The following SIMC1 variants were observed in gnomAD, a reference collection of about 807,000 sequenced individuals.
SIMC1 encodes SUMO-interacting motif-containing protein 1.
SIMC1 carries 55 observed loss-of-function variants against 82.3 expected under a neutral mutation model. The ratio of observed to expected loss-of-function variants is 0.67; its 90% CI spans 0.54 to 0.84. The LOEUF (loss-of-function observed/expected upper bound fraction) is 0.84, where lower values mean the gene tolerates loss of function less well. Among genes scored for constraint, SIMC1 ranks in the 40% least tolerant of loss-of-function variants. SIMC1 has a pLI of 0.00. For synonymous variants in SIMC1, 353 were observed against 426.3 expected (o/e 0.83, Z 2.12); for missense variants, 915 against 1,107.2 (o/e 0.83, Z 2.46).
At chr5:176,309,738 C>G (rs1018778474) in intron 4 of SIMC1, among the ~76,000 whole-genome samples, 1 of 152,100 alleles carries the variant, frequency 6.6e-6, no homozygotes, top group Non-Finnish European at 1.5e-5. Context: ...GGGTTCCAGA[C>G]CAGCCTGGCA....
Position 176,345,256 on chromosome 5 carries a change from A to G in SIMC1, c.2487A>G (p.Gly829=). ...GGATTAAGCCCAAACCCCAGCAAGG[A>G]GATGACATCACAGTGGTAGACGTAG... ...IKRIKPKPQQ[G]DDITVVDVEK... The change falls in exon 10 of 10, where the codon GGA becomes GGG. Residue 829 remains glycine (G), a synonymous_variant. Coordinates refer to ENST00000429602, the MANE Select transcript of SIMC1 (RefSeq NM_001308195.2). 3 of 1,614,050 alleles carry G rather than the reference A, an allele frequency of 1.9e-6. No homozygotes were observed. The highest frequency in any genetic ancestry group is 2.5e-6 in the Non-Finnish European group (3 of 1,179,886).
intron 8 of SIMC1, 41 bp from the exon 9 acceptor site, chr5:176,337,021 G>A (rs1765931016): frequency 8.7e-6 from 14 of 1,607,334 alleles, no homozygotes; most frequent in Non-Finnish European, 1.2e-5. Flanking sequence ...ATTTTAACTG[G>A]GGAAGGCATT....
intron 1 of SIMC1, among the ~76,000 whole-genome samples, chr5:176,252,037 C>T (rs1041976556): frequency 4.6e-5 from 7 of 152,256 alleles, no homozygotes; most frequent in Admixed American, 6.5e-5. Context: ...CACCTTTCCC[C>T]GCTTTCTATT....
chr5:176,289,636 C>T lies in SIMC1; in HGVS notation c.130-18C>T, dbSNP rs762541800. On this transcript the variant is annotated intron_variant, in intron 1 of 9. Transcript: ENST00000429602. ...TACTCCCATCTTGACCTCTTTTCTT[C>T]ACACAATCCTTCAACAGGACTTCAT... 2.6e-6 allele frequency: 4 copies of T among 1,552,642 alleles called. No homozygotes were observed. The South Asian group carries it at 5.0e-5, about 19-fold the overall frequency.
At chr5:176,309,811 C>T (rs1446813239) in intron 4 of SIMC1, among the ~76,000 whole-genome samples, 1 of 152,078 alleles carries the variant, frequency 6.6e-6, no homozygotes, top group Non-Finnish European at 1.5e-5. Context: ...CACCATGACA[C>T]ACACCAGTAG....
At chr5:176,246,407 G>GGTGTGTGTGT (rs57262987) in intron 1 of SIMC1, among the ~76,000 whole-genome samples, 84 of 137,058 alleles carry the variant, frequency 6.1e-4, no homozygotes, top group Middle Eastern at 7.6e-3. Flanking sequence ...ATAGTTCAGG[G>GGTGTGTGTGT]GTGTGTGTGT....
At position 176,333,951 on chromosome 5, in the gene SIMC1, G is replaced by T. The variant is rs1331952654; in HGVS notation, c.2172-2769G>T. Among the ~76,000 whole-genome samples the T allele has an allele frequency of 2.8e-4, 39 of 136,880 alleles. 1 individual carries two copies. In the South Asian group the frequency reaches 7.0e-3, roughly 25 times the overall value. 89.8% of individuals were successfully genotyped at this position (136,880 alleles called of 152,430 possible). A position where few individuals can be genotyped will look rare whatever the true frequency, so the allele number is the denominator to read the frequency against. ...CAATCTGCTGTTAAGTCTATTATTG[G>T]TTTTTTTTTTTTGGAACTAGAGTTA... is the stretch of plus-strand genomic sequence containing the variant. On this transcript the variant is annotated intron_variant, in intron 7 of 9. Coordinates refer to ENST00000429602, the MANE Select transcript of SIMC1 (RefSeq NM_001308195.2).
chr5:176,310,718 A>G (rs990318784), intron 4 of SIMC1, among the ~76,000 whole-genome samples: 4 of 152,168 alleles, frequency 2.6e-5, no homozygotes, highest in Non-Finnish European at 5.9e-5. Flanking sequence ...GAACAGTTCT[A>G]TATGATTATG....
chr5:176,281,310 G>A (rs1348964008), intron 1 of SIMC1, among the ~76,000 whole-genome samples: 5 of 152,096 alleles, frequency 3.3e-5, no homozygotes, highest in Non-Finnish European at 7.4e-5. Context: ...CTCTGTATTG[G>A]TTATTCTAGT....
chr5:176,305,040 A>G (rs1764242315), intron 4 of SIMC1, among the ~76,000 whole-genome samples: 1 of 136,804 alleles, frequency 7.3e-6, no homozygotes, highest in African/African-American at 2.7e-5. Flanking sequence ...CAGCCACCCC[A>G]TCTGGGAAGT....
chr5:176,271,721 G>A (rs1215042619), intron 1 of SIMC1, among the ~76,000 whole-genome samples: 2 of 151,276 alleles, frequency 1.3e-5, no homozygotes, highest in African/African-American at 4.9e-5. Flanking sequence ...GACTGAGGGA[G>A]TACAATTGGA....
In SIMC1 at chr5:176,313,637, C is replaced by A; in HGVS notation, c.1735-54C>A. ...AGTATTTATGAGAGCCCAATGTTGA[C>A]TGTCATCCAAGAGACTGAGAAGAAA... On this transcript the variant is annotated intron_variant, in intron 4 of 9. Coordinates refer to ENST00000429602, the MANE Select transcript of SIMC1 (RefSeq NM_001308195.2). 1.9e-6 allele frequency: 3 copies of A among 1,603,010 alleles called. No homozygotes were observed. In the South Asian group the frequency reaches 3.3e-5, roughly 18 times the overall value.
At chr5:176,339,462 CCAAA>C (rs1374983918) in intron 9 of SIMC1, among the ~76,000 whole-genome samples, 1 of 152,196 alleles carries the variant, frequency 6.6e-6, no homozygotes, top group East Asian at 1.9e-4. Flanking sequence ...ATGTCCTTCT[CCAAA>C]CAAAGACCCG....
At chr5:176,296,351 T>C (rs1222662680) in intron 4 of SIMC1, 31 bp downstream of exon 4, 5 of 1,612,736 alleles carry the variant, frequency 3.1e-6, no homozygotes, top group Non-Finnish European at 4.2e-6. Flanking sequence ...ATATCTTCTG[T>C]AGGGGAAGTT....
chr5:176,267,733 GTTTTTTT>G (rs1159766316), intron 1 of SIMC1, among the ~76,000 whole-genome samples: 6 of 27,230 alleles, frequency 2.2e-4, no homozygotes, highest in Admixed American at 7.2e-4. Flanking sequence ...TTTTCTTTCT[GTTTTTTT>G]TTTTTTTTTT....
At chr5:176,276,509 C>T (rs1288308293) in intron 1 of SIMC1, among the ~76,000 whole-genome samples, 2 of 150,362 alleles carry the variant, frequency 1.3e-5, no homozygotes, top group African/African-American at 2.4e-5. Flanking sequence ...AGGTTAGTTA[C>T]ATATGTATAC....
intron 1 of SIMC1, among the ~76,000 whole-genome samples, chr5:176,269,466 A>G (rs1762336280): frequency 6.6e-6 from 1 of 152,256 alleles, no homozygotes; most frequent in Admixed American, 6.5e-5. Context: ...AACTAACACA[A>G]GAAGGCAGAT....
At chr5:176,330,278 GT>G (rs1765587020) in intron 7 of SIMC1, among the ~76,000 whole-genome samples, 1 of 151,966 alleles carries the variant, frequency 6.6e-6, no homozygotes, top group Non-Finnish European at 1.5e-5. Context: ...GCATACGCCT[GT>G]TATCTCAGCT....
intron 1 of SIMC1, among the ~76,000 whole-genome samples, chr5:176,240,845 G>A (rs1395682390): frequency 1.1e-5 from 1 of 92,332 alleles, no homozygotes; most frequent in Non-Finnish European, 2.4e-5. Flanking sequence ...CTACCTAGCA[G>A]GATGGTTTTA....
Sources: allele counts gnomAD v4.1 joint callset (sites outside exome capture counted in the v4.1 genomes callset), GRCh38; gene constraint gnomAD v4.1.1; transcripts MANE v1.5; gene names NCBI Gene and HGNC (gene_info 2026-07-23, HGNC 2026-07-21).